The following EPHX1 variants were observed in gnomAD, a reference collection of about 807,000 sequenced individuals.
EPHX1 encodes the protein epoxide hydrolase 1, also known as epoxide hydratase.
Under a neutral mutation model 43.2 loss-of-function variants are expected in EPHX1, and 40 were observed. The observed-to-expected ratio is 0.93, with a 90% CI of 0.72 to 1.21. EPHX1 has a LOEUF of 1.21. Ranked by LOEUF, EPHX1 falls within the 50% of genes most tolerant of loss-of-function variation. EPHX1 has a pLI of 0.00. For missense variants in EPHX1, 550 were observed against 570.4 expected, an observed-to-expected ratio of 0.96 and a Z score of 0.36; for synonymous variants, 221 against 226.7, an observed-to-expected ratio of 0.98 and a Z score of 0.22.
At chr1:225,844,656 T>G (rs757869365) in intron 8 of EPHX1, 33 bp downstream of exon 8, 5 of 1,612,792 alleles carry the variant, frequency 3.1e-6, no homozygotes, top group African/African-American at 2.7e-5. Flanking sequence ...CAGGGGCCTC[T>G]GAGGCTGGAG....
chr1:225,829,944 G>A (rs1215962062), intron 2 of EPHX1, among the ~76,000 whole-genome samples: 3 of 151,910 alleles, frequency 2.0e-5, no homozygotes, highest in Non-Finnish European at 2.9e-5. Context: ...GCATAGTGGC[G>A]GGCACCTATA....
chr1:225,839,827 A>G lies in EPHX1; in HGVS notation c.723-2A>G. ...CACCCCGGCCCCTCTCTCTGCCTTC[A>G]GCCACGTGAAAGGCCTGCACTTGAA... On this transcript the variant is annotated splice_acceptor_variant, in intron 5 of 8. Transcript: ENST00000272167. LOFTEE classifies it high-confidence loss of function. The G allele has an allele frequency of 6.2e-7, 1 of 1,613,640 alleles. No homozygotes were observed.
At chr1:225,821,326 C>T (rs982914547) in intron 1 of EPHX1, among the ~76,000 whole-genome samples, 1 of 151,898 alleles carries the variant, frequency 6.6e-6, no homozygotes, top group East Asian at 1.9e-4. Context: ...CTCACTGCAA[C>T]CTCCGCCTAC....
At chr1:225,838,439 A>C (rs1576023730) in intron 3 of EPHX1, among the ~76,000 whole-genome samples, 1 of 152,126 alleles carries the variant, frequency 6.6e-6, no homozygotes, top group East Asian at 1.9e-4. Flanking sequence ...GCTCCCTTGC[A>C]GGGAGGTTGT....
chr1:225,845,460 T>A lies in EPHX1; in HGVS notation c.*113T>A, dbSNP rs903626358. 3.5e-6 allele frequency: 4 copies of A among 1,149,566 alleles called. No homozygotes were observed. In the Admixed American group the frequency reaches 6.2e-5, roughly 18 times the overall value. 71.2% of individuals were successfully genotyped at this position (1,149,566 alleles called of 1,614,324 possible). A position where few individuals can be genotyped will look rare whatever the true frequency, so the allele number is the denominator to read the frequency against. ...GTTTGCCTCCGTCCCCTGCCCATGC[T>A]GGGAGCCCACGCTCACCCCCTCACC... is the stretch of plus-strand genomic sequence containing the variant. On this transcript the variant is annotated 3_prime_UTR_variant, in exon 9 of 9. Transcript: ENST00000272167.
At chr1:225,815,418 T>C (rs1262580684) in intron 1 of EPHX1, among the ~76,000 whole-genome samples, 9 of 80,480 alleles carry the variant, frequency 1.1e-4, no homozygotes, top group South Asian at 3.7e-4. Flanking sequence ...TTTCTTTTTT[T>C]TTTTTTTTTT....
intron 6 of EPHX1, among the ~76,000 whole-genome samples, chr1:225,841,786 T>C (rs994586726): frequency 6.6e-6 from 1 of 151,830 alleles, no homozygotes; most frequent in Non-Finnish European, 1.5e-5. Context: ...GTATTTTTAA[T>C]AGAGATGGGG....
intron 4 of EPHX1, 91 bp downstream of exon 4, chr1:225,838,972 C>A: frequency 6.7e-7 from 1 of 1,487,280 alleles, no homozygotes; most frequent in Non-Finnish European, 9.3e-7. Context: ...GCGGGGTGAG[C>A]AGGGAGTTGG....
intron 2 of EPHX1, among the ~76,000 whole-genome samples, chr1:225,830,500 C>G (rs936221685): frequency 6.6e-6 from 1 of 152,124 alleles, no homozygotes; most frequent in Non-Finnish European, 1.5e-5. Context: ...GGGTCTTGCT[C>G]TGTCACCAGG....
chr1:225,833,847 C>G lies in EPHX1; in HGVS notation c.364+1888C>G, dbSNP rs1171633581. On this transcript the variant is annotated intron_variant, in intron 3 of 8. Transcript: ENST00000272167. ...GCGCCGTGGCTCACGCCTGTAATCC[C>G]AGCACTTTGGGAGGTCAAGGCGGGC... 2.0e-5 allele frequency among the ~76,000 whole-genome samples: 3 copies of G among 150,136 alleles called. No individual in the cohort carries two copies. In the South Asian group the frequency reaches 6.3e-4, roughly 32 times the overall value.
intron 6 of EPHX1, 44 bp from the exon 7 acceptor site, chr1:225,842,322 G>A (rs1371411323): frequency 1.4e-6 from 2 of 1,410,932 alleles, no homozygotes; most frequent in Middle Eastern, 1.8e-4. Context: ...CAGCTCTCTG[G>A]TCCCCAGGCC....
Position 225,831,949 on chromosome 1 carries a change from T to C in EPHX1, c.354T>C (p.Thr118=), listed in dbSNP as rs1350283658. The C allele has an allele frequency of 6.2e-7, 1 of 1,614,094 alleles. No individual in the cohort carries two copies. The highest frequency in any genetic ancestry group is 1.1e-5 in the South Asian group (1 of 91,084). The change falls in exon 3 of 9, where the codon ACT becomes ACC. Residue 118 remains threonine (T), a synonymous_variant. Coordinates refer to ENST00000272167, the MANE Select transcript of EPHX1 (RefSeq NM_001136018.4). ...EILNRYPHFK[T]KIEGLDIHFI... Reference sequence around the variant, plus strand: ...TCAACAGATACCCTCACTTCAAGACTAAGATTGAAGGTATGTTTGCAAAAC... The same window carrying C: ...TCAACAGATACCCTCACTTCAAGACCAAGATTGAAGGTATGTTTGCAAAAC...
At chr1:225,826,196 G>T (rs950689651) in intron 1 of EPHX1, among the ~76,000 whole-genome samples, 4 of 152,106 alleles carry the variant, frequency 2.6e-5, no homozygotes, top group African/African-American at 9.7e-5. Context: ...AGGCACAGCA[G>T]CTCGTGCCTC....
At chr1:225,824,015 A>C (rs1433344099) in intron 1 of EPHX1, among the ~76,000 whole-genome samples, 2 of 152,030 alleles carry the variant, frequency 1.3e-5, no homozygotes. Flanking sequence ...CACTCTCTAG[A>C]TCCTCCCTGC....
At chr1:225,844,165 A>C (rs1431227715) in intron 7 of EPHX1, among the ~76,000 whole-genome samples, 1 of 152,130 alleles carries the variant, frequency 6.6e-6, no homozygotes, top group African/African-American at 2.4e-5. Context: ...TGTGGTCACC[A>C]CAGTAGCTGG....
intron 3 of EPHX1, among the ~76,000 whole-genome samples, chr1:225,833,924 C>T (rs1337434253): frequency 2.6e-5 from 4 of 151,334 alleles, no homozygotes; most frequent in South Asian, 2.1e-4. Flanking sequence ...TGGTGAAACC[C>T]CGTCTCTACT....
chr1:225,840,606 A>G (rs1668316699), intron 6 of EPHX1, among the ~76,000 whole-genome samples: 2 of 152,252 alleles, frequency 1.3e-5, no homozygotes, highest in African/African-American at 4.8e-5. Flanking sequence ...GTCAACATCC[A>G]CAGAGTAATA....
chr1:225,834,109 A>G (rs1384142078), intron 3 of EPHX1, among the ~76,000 whole-genome samples: 1 of 87,104 alleles, frequency 1.1e-5, no homozygotes, highest in Non-Finnish European at 2.3e-5. Context: ...AAAAAAAAAA[A>G]AAGAAAAAAA....
In EPHX1 at chr1:225,838,822, T is replaced by G. The variant is rs983369165; in HGVS notation, c.533T>G (p.Phe178Cys). 1.9e-6 allele frequency: 3 copies of G among 1,614,102 alleles called. No homozygotes were observed. The African/African-American group carries it at 4.0e-5, about 22-fold the overall frequency. ...CATGGCCTGAGCGATGAGCACGTTT[T>G]TGAAGTCATCTGCCCTTCCATCCCT... ...KNHGLSDEHV[F>C]EVICPSIPGY... Residue 178 changes from phenylalanine to cysteine, a missense_variant, in exon 4 of 9, where the codon TTT becomes TGT. Coordinates refer to ENST00000272167, the MANE Select transcript of EPHX1 (RefSeq NM_001136018.4).
Sources: allele counts gnomAD v4.1 joint callset (sites outside exome capture counted in the v4.1 genomes callset), GRCh38; gene constraint gnomAD v4.1.1; transcripts MANE v1.5; gene names NCBI Gene and HGNC (gene_info 2026-07-23, HGNC 2026-07-21).